Variants in ZNF521 observed in about 807,000 individuals in gnomAD.
ZNF521 encodes the protein zinc finger protein 521.
In ZNF521, 14 loss-of-function variants were observed where a neutral mutation model predicts 105.5. The ratio of observed to expected loss-of-function variants is 0.13; its 90% CI spans 0.09 to 0.21. The LOEUF is 0.21. ZNF521 is among the 10% of genes least tolerant of loss of function. The pLI, the probability that ZNF521 is intolerant of heterozygous loss-of-function variation, is 1.00. For missense variants in ZNF521, 1,233 were observed against 1,629.7 expected, an observed-to-expected ratio of 0.76 and a Z score of 4.19; for synonymous variants, 635 against 606.0, an observed-to-expected ratio of 1.05 and a Z score of -0.70.
At chr18:25,219,253 C>T (rs1368206213) in intron 4 of ZNF521, among the ~76,000 whole-genome samples, 1 of 152,092 alleles carries the variant, frequency 6.6e-6, no homozygotes, top group East Asian at 1.9e-4. Context: ...GGGGTCAGTG[C>T]CTCTATCTCC....
chr18:25,168,255 C>A (rs189646070), intron 5 of ZNF521, among the ~76,000 whole-genome samples: 1 of 152,116 alleles, frequency 6.6e-6, no homozygotes, highest in Non-Finnish European at 1.5e-5. Flanking sequence ...GTGGGGATAG[C>A]GGCTCCTGAA....
At chr18:25,094,488 T>A (rs1312812518) in intron 5 of ZNF521, among the ~76,000 whole-genome samples, 1 of 152,094 alleles carries the variant, frequency 6.6e-6, no homozygotes, top group Non-Finnish European at 1.5e-5. Flanking sequence ...ACATATTCTA[T>A]CTTTTATTTG....
intron 4 of ZNF521, among the ~76,000 whole-genome samples, chr18:25,214,147 C>T (rs1040632596): frequency 5.3e-5 from 8 of 152,118 alleles, no homozygotes; most frequent in Non-Finnish European, 8.8e-5. Context: ...GAAGTAACTA[C>T]TCTGACTTTG....
At chr18:25,308,408 A>T (rs1912100787) in intron 3 of ZNF521, among the ~76,000 whole-genome samples, 1 of 152,174 alleles carries the variant, frequency 6.6e-6, no homozygotes, top group Non-Finnish European at 1.5e-5. Context: ...AATAATTATT[A>T]TGCAACAATG....
intron 5 of ZNF521, among the ~76,000 whole-genome samples, chr18:25,189,613 C>T (rs2035784790): frequency 6.6e-6 from 1 of 152,180 alleles, no homozygotes; most frequent in African/African-American, 2.4e-5. Context: ...ATCTCTGTGA[C>T]CATCACTCCA....
chr18:25,084,097 AATAAGT>A (rs1377196606), intron 7 of ZNF521, among the ~76,000 whole-genome samples: 8 of 151,508 alleles, frequency 5.3e-5, no homozygotes, highest in African/African-American at 1.9e-4. Context: ...AAATATTTTT[AATAAGT>A]ATATTTTCTT....
intron 3 of ZNF521, among the ~76,000 whole-genome samples, chr18:25,303,309 TGAGA>T (rs10542663): frequency 0.037 from 4,727 of 128,446 alleles, 108 homozygotes; most frequent in African/African-American, 0.072. Flanking sequence ...TGTGTGTGTG[TGAGA>T]GAGAGACGGA....
Position 25,142,436 on chromosome 18 carries a change from A to G in ZNF521, c.3659-50355T>C, listed in dbSNP as rs934582551. ...AAACAAAACTGATTGAAATAACATC[A>G]TCGGAACTGGCCTCATTCTCAGTGG... On this transcript the variant is annotated intron_variant, in intron 5 of 7. Transcript: ENST00000361524. Among the ~76,000 whole-genome samples the G allele has an allele frequency of 1.3e-5, 2 of 152,300 alleles. 1 individual carries two copies. The highest frequency in any genetic ancestry group is 4.1e-4 in the South Asian group (2 of 4,820).
chr18:25,266,698 G>A (rs899384950), intron 3 of ZNF521, among the ~76,000 whole-genome samples: 2 of 152,050 alleles, frequency 1.3e-5, no homozygotes, highest in African/African-American at 4.8e-5. Context: ...ACTGTACCAC[G>A]AGGAATGGTG....
chr18:25,218,482 TAAA>T (rs35500329), intron 4 of ZNF521, among the ~76,000 whole-genome samples: 25 of 79,842 alleles, frequency 3.1e-4, no homozygotes, highest in East Asian at 1.4e-3. Flanking sequence ...TCGAGCCTAC[TAAA>T]AAAAAAAAAA....
chr18:25,208,812 T>A (rs1455419937), intron 4 of ZNF521, among the ~76,000 whole-genome samples: 3 of 152,248 alleles, frequency 2.0e-5, no homozygotes, highest in Non-Finnish European at 4.4e-5. Flanking sequence ...CCTGAGTAGC[T>A]GAACTGCTGG....
At chr18:25,196,752 C>A (rs559360181) in intron 4 of ZNF521, among the ~76,000 whole-genome samples, 1 of 151,860 alleles carries the variant, frequency 6.6e-6, no homozygotes, top group African/African-American at 2.4e-5. Context: ...ACATGTGTTA[C>A]GTAAGTAACA....
At chr18:25,101,288 A>G (rs904960906) in intron 5 of ZNF521, among the ~76,000 whole-genome samples, 4 of 152,022 alleles carry the variant, frequency 2.6e-5, no homozygotes, top group Non-Finnish European at 5.9e-5. Flanking sequence ...AAACCTGCAT[A>G]TAGGGGTTCC....
chr18:25,272,237 G>T (rs963405164), intron 3 of ZNF521, among the ~76,000 whole-genome samples: 1 of 152,182 alleles, frequency 6.6e-6, no homozygotes, highest in Non-Finnish European at 1.5e-5. Flanking sequence ...AGTTAGAATG[G>T]TGATCATTAA....
At chr18:25,313,131 C>A (rs1401927087) in intron 3 of ZNF521, among the ~76,000 whole-genome samples, 1 of 152,140 alleles carries the variant, frequency 6.6e-6, no homozygotes, top group East Asian at 1.9e-4. Context: ...CAGGTACTAA[C>A]CAGACCTTCC....
intron 5 of ZNF521, among the ~76,000 whole-genome samples, chr18:25,158,229 A>T (rs1358745728): frequency 1.3e-5 from 2 of 152,078 alleles, no homozygotes; most frequent in African/African-American, 2.4e-5. Context: ...AACCATTTAA[A>T]ATATTATATT....
At chr18:25,228,331 T>C (rs544628716) in intron 3 of ZNF521, among the ~76,000 whole-genome samples, 1 of 152,248 alleles carries the variant, frequency 6.6e-6, no homozygotes, top group Non-Finnish European at 1.5e-5. Context: ...ATGTCTTGTG[T>C]AATGAAAGAT....
chr18:25,350,781 G>T, intron 2 of ZNF521, 126 bp downstream of exon 2: 1 of 977,770 alleles, frequency 1.0e-6, no homozygotes, highest in Non-Finnish European at 1.5e-6. Context: ...AGGGGAGCGC[G>T]CGCGCCCCCG....
Position 25,237,093 on chromosome 18 carries a change from G to A in ZNF521, c.221-9396C>T, listed in dbSNP as rs186702121. 2.0e-4 allele frequency among the ~76,000 whole-genome samples: 31 copies of A among 152,096 alleles called. No homozygotes were observed. The East Asian group carries it at 3.1e-3, about 15-fold the overall frequency. ...GAATGAATATGATGATAACATCCAA[G>A]CCAGTTCATTTCATTATTTTTTTCT... On this transcript the variant is annotated intron_variant, in intron 3 of 7. Transcript: ENST00000361524.
Sources: allele counts gnomAD v4.1 joint callset (sites outside exome capture counted in the v4.1 genomes callset), GRCh38; gene constraint gnomAD v4.1.1; transcripts MANE v1.5; gene names NCBI Gene and HGNC (gene_info 2026-07-23, HGNC 2026-07-21).